Variants in PAM observed in about 807,000 individuals in gnomAD.
The protein encoded by PAM is peptidylglycine alpha-amidating monooxygenase, also known as peptidyl-glycine alpha-amidating monooxygenase.
A neutral mutation model predicts 122.1 loss-of-function variants in PAM; 72 were observed. That is an observed-to-expected ratio of 0.59 (90% CI 0.49 to 0.72). The LOEUF is 0.72. Ranked by LOEUF, PAM falls within the 30% of genes least tolerant of loss-of-function variation. The pLI is 0.00. For synonymous variants in PAM, 389 were observed against 404.4 expected (o/e 0.96, Z 0.46); for missense variants, 1,106 against 1,183.7 (o/e 0.93, Z 0.96).
At chr5:102,986,103 G>A (rs1316662053) in intron 15 of PAM, among the ~76,000 whole-genome samples, 3 of 152,084 alleles carry the variant, frequency 2.0e-5, no homozygotes, top group East Asian at 1.9e-4. Context: ...TAAAGTCCCC[G>A]TAGAGCAAAC....
At chr5:102,764,073 A>G (rs1452910864) in intron 1 of PAM, among the ~76,000 whole-genome samples, 1 of 151,924 alleles carries the variant, frequency 6.6e-6, no homozygotes, top group Non-Finnish European at 1.5e-5. Context: ...TTTTGGGGGG[A>G]ATACCATTAA....
Position 102,813,379 on chromosome 5 carries a change from A to C in PAM, c.-373-52444A>C, listed in dbSNP as rs1768560156. Among the ~76,000 whole-genome samples the C allele has an allele frequency of 2.0e-5, 3 of 152,182 alleles. No homozygotes were observed. In the South Asian group the frequency reaches 6.2e-4, roughly 31 times the overall value. ...AAAACCAGTACAGAGTTTTATTTCC[A>C]GGGGGAATTTTTCCCAATGATGGCA... On this transcript the variant is annotated intron_variant, in intron 1 of 25. Coordinates refer to ENST00000438793, the MANE Select transcript of PAM (RefSeq NM_001177306.2).
chr5:102,873,317 C>G (rs1475192965), intron 3 of PAM: 2 of 152,152 alleles, frequency 1.3e-5, no homozygotes, highest in Non-Finnish European at 2.9e-5. Flanking sequence ...GAGTTTAAAC[C>G]TCACTGCAGA....
chr5:102,974,219 G>C lies in PAM; in HGVS notation c.1266G>C (p.Leu422=). The change falls in exon 15 of 26, where the codon CTG becomes CTC. Residue 422 remains leucine, a synonymous_variant. Coordinates refer to ENST00000438793, the MANE Select transcript of PAM (RefSeq NM_001177306.2). Reference sequence around the variant, plus strand: ...AAAAGGCAGAATCAGAGTCAGACCTGGTAGCTGAGATTGCAAATGTAGTCC... The same window carrying C: ...AAAAGGCAGAATCAGAGTCAGACCTCGTAGCTGAGATTGCAAATGTAGTCC... The part of the protein sequence containing the change: ...PTEKAESESD[L]VAEIANVVQK... 1.9e-6 allele frequency: 3 copies of C among 1,613,714 alleles called. No homozygotes were observed. The highest frequency in any genetic ancestry group is 2.5e-6 in the Non-Finnish European group (3 of 1,179,706).
rs1245134657 is a variant in PAM at position 102,803,129 on chromosome 5, AAAAGAAAG to A, written c.-374+47794_-374+47801del. On this transcript the variant is annotated intron_variant, in intron 1 of 25. Coordinates refer to ENST00000438793, the MANE Select transcript of PAM (RefSeq NM_001177306.2). ...CAGAGAGAGATTCTGTGTCCAAAAA[AAAAGAAAG>A]AAAGAAAGAAAGGAAGGAAGGAAGG... Among the ~76,000 whole-genome samples, 38 of 142,804 alleles carry A rather than the reference AAAAGAAAG, an allele frequency of 2.7e-4. 1 individual carries two copies. The highest frequency in any genetic ancestry group is 4.0e-4 in the Non-Finnish European group (27 of 66,962). 93.7% of individuals were successfully genotyped at this position (142,804 alleles called of 152,430 possible).
At chr5:102,923,199 GC>G (rs1748062902) in intron 5 of PAM, among the ~76,000 whole-genome samples, 1 of 152,130 alleles carries the variant, frequency 6.6e-6, no homozygotes, top group East Asian at 1.9e-4. Context: ...TGCACTCATT[GC>G]CTATCCTCCA....
chr5:102,901,609 A>G (rs1797920175), intron 4 of PAM, among the ~76,000 whole-genome samples, 196 bp downstream of exon 4: 1 of 151,578 alleles, frequency 6.6e-6, no homozygotes, highest in Non-Finnish European at 1.5e-5. Flanking sequence ...ATCTGGAGAG[A>G]TTCATGAGTA....
chr5:102,882,108 T>TAC (rs1205724444), intron 3 of PAM, among the ~76,000 whole-genome samples: 12 of 102,080 alleles, frequency 1.2e-4, no homozygotes, highest in African/African-American at 5.1e-4. Context: ...TATATATATA[T>TAC]ATACACCACA....
chr5:102,864,163 C>CATATATATATAT (rs373189336), intron 1 of PAM, among the ~76,000 whole-genome samples: 1 of 140,620 alleles, frequency 7.1e-6, no homozygotes, highest in African/African-American at 2.6e-5. Context: ...ATCCCTTCTT[C>CATATATATATAT]ATATATATAT....
intron 1 of PAM, among the ~76,000 whole-genome samples, chr5:102,800,014 A>G (rs1481901911): frequency 6.6e-6 from 1 of 152,190 alleles, no homozygotes; most frequent in African/African-American, 2.4e-5. Flanking sequence ...ATCCTCTACC[A>G]CAAGCTCCAT....
At chr5:103,000,704 G>A (rs977547685) in intron 16 of PAM, among the ~76,000 whole-genome samples, 7 of 152,060 alleles carry the variant, frequency 4.6e-5, no homozygotes, top group Admixed American at 2.6e-4. Flanking sequence ...AAGCAAACAC[G>A]TCCTTCTTCA....
intron 15 of PAM, among the ~76,000 whole-genome samples, chr5:102,985,683 C>A (rs955280683): frequency 6.6e-6 from 1 of 151,968 alleles, no homozygotes; most frequent in African/African-American, 2.4e-5. Context: ...GAACTAATAA[C>A]AATTTTTTCA....
chr5:102,938,639 C>T (rs141451428), intron 7 of PAM, among the ~76,000 whole-genome samples: 2 of 152,090 alleles, frequency 1.3e-5, no homozygotes, highest in African/African-American at 4.8e-5. Flanking sequence ...TAATTATTAA[C>T]TCATTTTTAA....
At chr5:102,947,177 G>A (rs1197126205) in intron 8 of PAM, among the ~76,000 whole-genome samples, 5 of 152,146 alleles carry the variant, frequency 3.3e-5, no homozygotes, top group African/African-American at 1.2e-4. Context: ...ATAGTTGTCG[G>A]CAGGCTTCAG....
intron 7 of PAM, among the ~76,000 whole-genome samples, chr5:102,931,214 T>G (rs1751395959): frequency 6.6e-6 from 1 of 152,196 alleles, no homozygotes; most frequent in African/African-American, 2.4e-5. Flanking sequence ...TTTTCAAAGA[T>G]GTTGTAGTTT....
At chr5:102,791,674 A>G (rs1762107851) in intron 1 of PAM, among the ~76,000 whole-genome samples, 1 of 152,146 alleles carries the variant, frequency 6.6e-6, no homozygotes. Context: ...ACCAAACCAA[A>G]AAACCTCTTT....
At position 102,817,549 on chromosome 5, in the gene PAM, T is replaced by A. The variant is rs1770304141; in HGVS notation, c.-373-48274T>A. Among the ~76,000 whole-genome samples, 3 of 152,264 alleles carry A rather than the reference T, an allele frequency of 2.0e-5. No individual in the cohort carries two copies. In the South Asian group the frequency reaches 6.2e-4, roughly 32 times the overall value. On this transcript the variant is annotated intron_variant, in intron 1 of 25. Transcript: ENST00000438793. ...GTGATTTCATTTTTGCCTTTTTGCT[T>A]CTGAAAAAAGCAAAATTACTATCAG...
chr5:102,817,914 C>T (rs1339904604), intron 1 of PAM, among the ~76,000 whole-genome samples: 1 of 151,572 alleles, frequency 6.6e-6, no homozygotes, highest in East Asian at 1.9e-4. Context: ...GCTCCTCCCC[C>T]TTCCTGGAGT....
chr5:102,772,411 C>T (rs1245421685), intron 1 of PAM, among the ~76,000 whole-genome samples: 1 of 152,076 alleles, frequency 6.6e-6, no homozygotes, highest in Non-Finnish European at 1.5e-5. Flanking sequence ...TCTTCCTCAT[C>T]CTGATTCTTG....
Sources: gnomAD v4.1 joint callset for allele counts (sites outside exome capture counted in the v4.1 genomes callset) on GRCh38, gnomAD v4.1.1 for gene constraint, MANE v1.5 for transcripts, NCBI Gene and HGNC (gene_info 2026-07-23, HGNC 2026-07-21) for gene names.